The following INSYN2B variants were observed in gnomAD, a reference collection of about 807,000 sequenced individuals.
The protein encoded by INSYN2B is protein INSYN2B.
A neutral mutation model predicts 41.2 loss-of-function variants in INSYN2B; 16 were observed. That is an observed-to-expected ratio of 0.39 (90% CI 0.26 to 0.59). The LOEUF is 0.59. Among genes scored for constraint, INSYN2B ranks in the 20% least tolerant of loss-of-function variants. The pLI is 0.57. For synonymous variants in INSYN2B, 245 were observed against 244.4 expected (o/e 1.00, Z -0.02); for missense variants, 608 against 646.4 (o/e 0.94, Z 0.64).
At chr5:169,948,383 T>G (rs983868860) in intron 1 of INSYN2B, among the ~76,000 whole-genome samples, 11 of 152,074 alleles carry the variant, frequency 7.2e-5, no homozygotes, top group Admixed American at 2.0e-4. Context: ...GGAGAATGAT[T>G]ATTTGCACCT....
rs143089504 is a variant in INSYN2B, at chr5:169,972,542, C to CAGATAGATAGAT, written c.-919+7723_-919+7734dup. Among the ~76,000 whole-genome samples, 172 of 141,428 alleles carry CAGATAGATAGAT rather than the reference C, an allele frequency of 1.2e-3. 1 individual carries two copies. The highest frequency in any genetic ancestry group is 2.0e-3 in the South Asian group (8 of 4,052). 92.8% of individuals were successfully genotyped at this position (141,428 alleles called of 152,430 possible). ...GCCCCAGTTAAGAGCCACTGTGAGA[C>CAGATAGATAGAT]AGATAGATAGATAGATAGATAGATA... On this transcript the variant is annotated intron_variant, in intron 1 of 3. Coordinates refer to ENST00000377365, the MANE Select transcript of INSYN2B (RefSeq NM_001129891.3).
At chr5:169,889,039 C>T (rs1459092977) in intron 1 of INSYN2B, among the ~76,000 whole-genome samples, 1 of 152,144 alleles carries the variant, frequency 6.6e-6, no homozygotes, top group Non-Finnish European at 1.5e-5. Context: ...CTCTAAGCTC[C>T]TTGAGAGACA....
chr5:169,967,625 T>C (rs1488608350), intron 1 of INSYN2B, among the ~76,000 whole-genome samples: 2 of 152,148 alleles, frequency 1.3e-5, no homozygotes, highest in African/African-American at 4.8e-5. Context: ...TTTAGTAGGA[T>C]TGAGATTTAG....
intron 1 of INSYN2B, among the ~76,000 whole-genome samples, chr5:169,906,416 G>A (rs1194496446): frequency 6.6e-6 from 1 of 152,176 alleles, no homozygotes; most frequent in African/African-American, 2.4e-5. Flanking sequence ...GCTTGGTACT[G>A]TTATCCCCAC....
At chr5:169,910,084 C>T (rs1228035690) in intron 1 of INSYN2B, among the ~76,000 whole-genome samples, 1 of 152,140 alleles carries the variant, frequency 6.6e-6, no homozygotes, top group Non-Finnish European at 1.5e-5. Flanking sequence ...GCACCAAAGC[C>T]AGGCTTATTT....
chr5:169,911,742 T>A (rs1419514574), intron 1 of INSYN2B, among the ~76,000 whole-genome samples: 1 of 152,168 alleles, frequency 6.6e-6, no homozygotes, highest in Non-Finnish European at 1.5e-5. Flanking sequence ...AAACCCTTTA[T>A]CTGATTGTGC....
chr5:169,897,082 T>A (rs1773651719), intron 1 of INSYN2B, among the ~76,000 whole-genome samples: 1 of 152,208 alleles, frequency 6.6e-6, no homozygotes. Context: ...CATAAGAATA[T>A]TTATTATGAA....
At chr5:169,964,636 G>T (rs1037789719) in intron 1 of INSYN2B, among the ~76,000 whole-genome samples, 1 of 152,246 alleles carries the variant, frequency 6.6e-6, no homozygotes, top group Non-Finnish European at 1.5e-5. Flanking sequence ...TAAGCCAAAA[G>T]TCAGCCCTTC....
At chr5:169,948,194 T>A (rs1036004612) in intron 1 of INSYN2B, among the ~76,000 whole-genome samples, 1 of 152,172 alleles carries the variant, frequency 6.6e-6, no homozygotes, top group Non-Finnish European at 1.5e-5. Context: ...TAGTTATTTG[T>A]CTGCTGTGAC....
intron 2 of INSYN2B, 65 bp downstream of exon 2, chr5:169,882,488 T>C: frequency 2.9e-6 from 4 of 1,358,126 alleles, no homozygotes; most frequent in Non-Finnish European, 3.0e-6. Flanking sequence ...CAAAGCTGTC[T>C]CTGCCCCTGT....
Position 169,882,615 on chromosome 5 carries a change from C to T in INSYN2B, c.1284G>A (p.Glu428=). 1 of 1,551,786 alleles carries T rather than the reference C, an allele frequency of 6.4e-7. No homozygotes were observed. Among genetic ancestry groups the T allele is most frequent in the African/African-American group, 1.4e-5 (1 of 73,146 alleles). The change falls in exon 2 of 4, where the codon GAG becomes GAA. Residue 428 remains glutamate (E), a synonymous_variant. Coordinates refer to ENST00000377365, the MANE Select transcript of INSYN2B (RefSeq NM_001129891.3). Reference sequence around the variant, plus strand: ...TTACATTCAAAAGGACTTTAATTTTCTCTTGGTTCGAGTGCAGAGATTCCT... The same window carrying T: ...TTACATTCAAAAGGACTTTAATTTTTTCTTGGTTCGAGTGCAGAGATTCCT... ...SVEESLHSNQ[E]KIKVLLNVIQ...
chr5:169,906,379 A>G (rs907763703), intron 1 of INSYN2B, among the ~76,000 whole-genome samples: 2 of 152,240 alleles, frequency 1.3e-5, no homozygotes, highest in African/African-American at 2.4e-5. Flanking sequence ...ACGGGCGTTC[A>G]TCTCAATTAA....
At chr5:169,964,906 G>A (rs1429765440) in intron 1 of INSYN2B, among the ~76,000 whole-genome samples, 1 of 152,248 alleles carries the variant, frequency 6.6e-6, no homozygotes, top group Non-Finnish European at 1.5e-5. Context: ...AAATAAAGGT[G>A]AGTCTCCGTC....
At chr5:169,972,785 C>T (rs1459672274) in intron 1 of INSYN2B, among the ~76,000 whole-genome samples, 4 of 152,088 alleles carry the variant, frequency 2.6e-5, no homozygotes, top group Admixed American at 6.5e-5. Context: ...GTCTAGGAAG[C>T]GGGAAAAATG....
chr5:169,967,904 G>T (rs762039134), intron 1 of INSYN2B, among the ~76,000 whole-genome samples: 3 of 152,158 alleles, frequency 2.0e-5, no homozygotes, highest in Non-Finnish European at 4.4e-5. Flanking sequence ...TGGAACAAAG[G>T]ACTATGGCTG....
At chr5:169,966,684 G>T (rs981723087) in intron 1 of INSYN2B, among the ~76,000 whole-genome samples, 1 of 152,158 alleles carries the variant, frequency 6.6e-6, no homozygotes, top group Non-Finnish European at 1.5e-5. Flanking sequence ...ACAGCAAGTG[G>T]CAGGACAGAG....
Position 169,975,471 on chromosome 5 carries a change from T to TTA in INSYN2B, c.-919+4805_-919+4806insTA, listed in dbSNP as rs1214254668. Among the ~76,000 whole-genome samples, 12 of 152,310 alleles carry TTA rather than the reference T, an allele frequency of 7.9e-5. No individual in the cohort carries two copies. The East Asian group carries it at 2.3e-3, about 29-fold the overall frequency. On this transcript the variant is annotated intron_variant, in intron 1 of 3. Transcript: ENST00000377365. ...ACTGCTGCCTGTCTCTCTGACCTCA[T>TTA]CATATACGGAGCCTTCCCTCAGTCA...
intron 1 of INSYN2B, among the ~76,000 whole-genome samples, chr5:169,968,018 T>G (rs1446225376): frequency 1.3e-5 from 2 of 152,176 alleles, no homozygotes; most frequent in African/African-American, 2.4e-5. Context: ...TAATATGAGC[T>G]GCCCATGAGG....
Position 169,864,261 on chromosome 5 carries a change from G to T in INSYN2B, c.*12C>A. 2 of 1,550,168 alleles carry T rather than the reference G, an allele frequency of 1.3e-6. No individual in the cohort carries two copies. Among genetic ancestry groups the T allele is most frequent in the Admixed American group, 2.0e-5 (1 of 50,988 alleles). ...CGTGGAGTTGGGGGGCTGGGGGATG[G>T]TCCCAACCAGCTCAGATCCACCAGA... On this transcript the variant is annotated 3_prime_UTR_variant, in exon 4 of 4. Transcript: ENST00000377365.
Sources: allele counts gnomAD v4.1 joint callset (sites outside exome capture counted in the v4.1 genomes callset), GRCh38; gene constraint gnomAD v4.1.1; transcripts MANE v1.5; gene names NCBI Gene and HGNC (gene_info 2026-07-23, HGNC 2026-07-21).